FAM20A: variants seen among roughly 807,000 people sequenced by gnomAD.
FAM20A encodes FAM20A golgi associated secretory pathway pseudokinase, also known as pseudokinase FAM20A.
A neutral mutation model predicts 52.0 loss-of-function variants in FAM20A; 42 were observed. The observed-to-expected ratio is 0.81, with a 90% CI of 0.63 to 1.04. The LOEUF is 1.04. FAM20A is among the 50% of genes least tolerant of loss of function. The pLI is 0.00. For synonymous variants in FAM20A, 304 were observed against 298.9 expected, an observed-to-expected ratio of 1.02 and a Z score of -0.18; for missense variants, 742 against 712.7, an observed-to-expected ratio of 1.04 and a Z score of -0.47.
intron 4 of FAM20A, chr17:68,551,010 G>GGAA: frequency 8.5e-7 from 1 of 1,173,760 alleles, no homozygotes; most frequent in Non-Finnish European, 1.1e-6. Context: ...GTATTCCACT[G>GGAA]GAAGAAGCAC....
intron 1 of FAM20A, among the ~76,000 whole-genome samples, chr17:68,594,152 C>T (rs1317885794): frequency 1.3e-5 from 2 of 152,230 alleles, no homozygotes; most frequent in Non-Finnish European, 2.9e-5. Flanking sequence ...TGGCTCACGC[C>T]TGTAATCCCA....
chr17:68,549,376 C>G (rs769558520), intron 4 of FAM20A, among the ~76,000 whole-genome samples: 6 of 152,198 alleles, frequency 3.9e-5, no homozygotes, highest in African/African-American at 1.2e-4. Flanking sequence ...CATCTATAAT[C>G]CCAGCTACTT....
In FAM20A at chr17:68,555,626, G is replaced by A. The variant is rs2087028163; in HGVS notation, c.522C>T (p.Tyr174=). 4 of 1,613,702 alleles carry A rather than the reference G, an allele frequency of 2.5e-6. No homozygotes were observed. The highest frequency in any genetic ancestry group is 3.4e-6 in the Non-Finnish European group (4 of 1,180,038). ...FHLGINRHGL[Y]SRSSPVVSKL... Reference sequence around the variant, plus strand: ...TGCTGACAACAGGGCTGGACCGGGAGTAGAGCCCATGGCGGTTAATACCCA... The same window carrying A: ...TGCTGACAACAGGGCTGGACCGGGAATAGAGCCCATGGCGGTTAATACCCA... The change falls in exon 2 of 11, where the codon TAC becomes TAT. Residue 174 remains tyrosine, a synonymous_variant. Transcript: ENST00000592554.
At chr17:68,576,871 C>T (rs2087784713) in intron 1 of FAM20A, among the ~76,000 whole-genome samples, 2 of 152,196 alleles carry the variant, frequency 1.3e-5, no homozygotes, top group African/African-American at 2.4e-5. Flanking sequence ...AGCTAGTTGC[C>T]TAGGGCAGGC....
chr17:68,577,064 G>A (rs541438397), intron 1 of FAM20A, among the ~76,000 whole-genome samples: 1 of 152,318 alleles, frequency 6.6e-6, no homozygotes, highest in Admixed American at 6.5e-5. Flanking sequence ...CCAGATTCTT[G>A]TTTTGGCTAT....
rs1210199879 is a variant in FAM20A at position 68,600,197 on chromosome 17, AGACT to A, written c.404+62_404+65del. 1 of 1,525,794 alleles carries A rather than the reference AGACT, an allele frequency of 6.6e-7. No homozygotes were observed. The allele number at this position is 1,525,794 out of a possible 1,614,324, so 94.5% of individuals were successfully genotyped here. On this transcript the variant is annotated intron_variant, in intron 1 of 10. Transcript: ENST00000592554. The surrounding 1 kb of genome is among the most constrained non-coding windows in gnomAD (Gnocchi z 6.2). ...TGGGCCGGGGGCGTCAGGAAACTCG[AGACT>A]GGGGCGCGGGGAGGCCCCGGCCAGA... is the stretch of plus-strand genomic sequence containing the variant.
At chr17:68,550,155 A>T (rs955826832) in intron 4 of FAM20A, among the ~76,000 whole-genome samples, 1 of 152,142 alleles carries the variant, frequency 6.6e-6, no homozygotes, top group Non-Finnish European at 1.5e-5. Context: ...CTAAGTGATG[A>T]TGACAACCAA....
chr17:68,593,355 C>G (rs1265905821), intron 1 of FAM20A, among the ~76,000 whole-genome samples: 1 of 152,208 alleles, frequency 6.6e-6, no homozygotes, highest in African/African-American at 2.4e-5. Context: ...TCTGTATTTC[C>G]CATTTTTCTT....
In FAM20A at chr17:68,543,735, A is replaced by G. The variant is rs772335458; in HGVS notation, c.720-14T>C. Reference sequence around the variant, plus strand: ...TCTCGCTGCTGTCTGGAAGGAAGGAAGGAATCACGCCCTGGACTCAGACTT... The same window carrying G: ...TCTCGCTGCTGTCTGGAAGGAAGGAGGGAATCACGCCCTGGACTCAGACTT... On this transcript the variant is annotated splice_polypyrimidine_tract_variant and intron_variant, in intron 4 of 10. Transcript: ENST00000592554. The G allele has an allele frequency of 6.2e-7, 1 of 1,609,114 alleles. No individual in the cohort carries two copies. The highest frequency in any genetic ancestry group is 1.1e-5 in the South Asian group (1 of 90,966).
At chr17:68,574,566 A>T (rs2087672574) in intron 1 of FAM20A, among the ~76,000 whole-genome samples, 1 of 152,192 alleles carries the variant, frequency 6.6e-6, no homozygotes, top group South Asian at 2.1e-4. Context: ...TGGAGAAGAC[A>T]AGCATTCAAA....
Position 68,558,600 on chromosome 17 carries a change from A to G in FAM20A, c.405-2857T>C, listed in dbSNP as rs112540303. ...TGCCTGTTCTCTACCACCTTCTGCC[A>G]TGAGTAAGTTTTCTGAGGCCCTCAC... On this transcript the variant is annotated intron_variant, in intron 1 of 10. Coordinates refer to ENST00000592554, the MANE Select transcript of FAM20A (RefSeq NM_017565.4). Among the ~76,000 whole-genome samples the G allele has an allele frequency of 5.0e-3, 769 of 152,324 alleles. 7 individuals carry two copies. Among genetic ancestry groups the G allele is most frequent in the African/African-American group, 0.016 (659 of 41,578 alleles).
At chr17:68,597,983 G>A (rs1023017674) in intron 1 of FAM20A, 1 of 148,922 alleles carries the variant, frequency 6.7e-6, no homozygotes, top group Non-Finnish European at 1.5e-5. Flanking sequence ...ATTCACCCTG[G>A]CTAATGAATC....
At chr17:68,543,195 T>C (rs2086387169) in intron 5 of FAM20A, among the ~76,000 whole-genome samples, 1 of 152,104 alleles carries the variant, frequency 6.6e-6, no homozygotes, top group African/African-American at 2.4e-5. Context: ...TCTAAAAAGC[T>C]TCTTGGAAGT....
Position 68,535,994 on chromosome 17 carries a change from GA to G in FAM20A, c.*1482del. ...GGATGGGGGTTGTATCTGTGTTTGA[GA>G]GGATTGGAAACCTGTGTGTTGCTTC... On this transcript the variant is annotated 3_prime_UTR_variant, in exon 11 of 11. Coordinates refer to ENST00000592554, the MANE Select transcript of FAM20A (RefSeq NM_017565.4). 1 of 454,106 alleles carries G rather than the reference GA, an allele frequency of 2.2e-6. No homozygotes were observed. The highest frequency in any genetic ancestry group is 4.4e-6 in the Non-Finnish European group (1 of 226,784). 28.1% of individuals were successfully genotyped at this position (454,106 alleles called of 1,614,324 possible). A position where few individuals can be genotyped will look rare whatever the true frequency, so the allele number is the denominator to read the frequency against.
intron 7 of FAM20A, 117 bp downstream of exon 7, chr17:68,541,868 G>A: frequency 2.4e-6 from 3 of 1,228,656 alleles, no homozygotes. Context: ...ATGAAATGGG[G>A]CAAAGGAGTA....
At chr17:68,571,614 A>G (rs1477877042) in intron 1 of FAM20A, among the ~76,000 whole-genome samples, 1 of 152,160 alleles carries the variant, frequency 6.6e-6, no homozygotes, top group African/African-American at 2.4e-5. Flanking sequence ...TGTTTGATCC[A>G]TATGTCTCTT....
intron 1 of FAM20A, among the ~76,000 whole-genome samples, chr17:68,567,339 T>G (rs1222168258): frequency 6.6e-6 from 1 of 151,966 alleles, no homozygotes; most frequent in African/African-American, 2.4e-5. Flanking sequence ...AGATTTTGTC[T>G]GCAGGCCACA....
At chr17:68,568,723 C>T (rs1264042941) in intron 1 of FAM20A, among the ~76,000 whole-genome samples, 2 of 151,692 alleles carry the variant, frequency 1.3e-5, no homozygotes, top group African/African-American at 4.9e-5. Flanking sequence ...CTTGTTTCTT[C>T]CTCTTCTCTT....
chr17:68,555,505 C>T, intron 2 of FAM20A, 54 bp downstream of exon 2: 1 of 1,601,642 alleles, frequency 6.2e-7, no homozygotes, highest in Non-Finnish European at 8.5e-7. Context: ...GATGCTTTAC[C>T]CAGACTCTCT....
Sources: gnomAD v4.1 joint callset for allele counts (sites outside exome capture counted in the v4.1 genomes callset) on GRCh38, gnomAD v4.1.1 for gene constraint, Gnocchi (gnomAD v3.1) non-coding constraint, MANE v1.5 for transcripts, NCBI Gene and HGNC (gene_info 2026-07-23, HGNC 2026-07-21) for gene names.